HYDIN: variants seen among roughly 807,000 people sequenced by gnomAD.
The protein encoded by HYDIN is HYDIN axonemal central pair apparatus protein.
Under a neutral mutation model 403.9 loss-of-function variants are expected in HYDIN, and 132 were observed. The observed-to-expected ratio is 0.33, with a 90% CI of 0.28 to 0.38. The LOEUF (loss-of-function observed/expected upper bound fraction) is 0.38. Among genes scored for constraint, HYDIN ranks in the 10% least tolerant of loss-of-function variants. The pLI, the probability that HYDIN is intolerant of heterozygous loss-of-function variation, is 1.00. For synonymous variants in HYDIN, 1,202 were observed against 1,891.7 expected (o/e 0.64, Z 9.46); for missense variants, 2,827 against 5,009.5 (o/e 0.56, Z 13.15).
At chr16:70,922,852 C>A (rs1302401357) in intron 45 of HYDIN, among the ~76,000 whole-genome samples, 2 of 136,060 alleles carry the variant, frequency 1.5e-5, no homozygotes, top group South Asian at 4.8e-4. Flanking sequence ...ACTGTGGCCT[C>A]AATTTTCTGG....
intron 64 of HYDIN, among the ~76,000 whole-genome samples, chr16:70,872,500 A>G (rs2040188265): frequency 2.0e-5 from 3 of 146,652 alleles, no homozygotes; most frequent in South Asian, 2.2e-4. Context: ...TCATCCACCT[A>G]TCCATCACTC....
intron 53 of HYDIN, 109 bp from the exon 54 acceptor site, chr16:70,896,189 T>C: frequency 7.2e-7 from 1 of 1,383,308 alleles, no homozygotes; most frequent in African/African-American, 1.5e-5. Context: ...TTGAAGTGTA[T>C]TCCCCTGTAG....
At chr16:71,127,700 T>C (rs530023933) in intron 9 of HYDIN, among the ~76,000 whole-genome samples, 43 of 152,354 alleles carry the variant, frequency 2.8e-4, no homozygotes, top group Admixed American at 1.6e-3. Flanking sequence ...TCAGCCTGGA[T>C]GTCCAGTGCA....
chr16:71,216,450 T>C (rs905863455), intron 1 of HYDIN, among the ~76,000 whole-genome samples: 1 of 152,120 alleles, frequency 6.6e-6, no homozygotes, highest in Non-Finnish European at 1.5e-5. Context: ...GGCAAAACTA[T>C]ATTAGAACCC....
chr16:70,842,057 T>G (rs1272357232), intron 75 of HYDIN, among the ~76,000 whole-genome samples: 1 of 150,822 alleles, frequency 6.6e-6, no homozygotes, highest in Non-Finnish European at 1.5e-5. Context: ...GAACATACTT[T>G]GCACGATTTC....
Position 70,920,833 on chromosome 16 carries a change from G to T in HYDIN, c.7543C>A (p.Arg2515Ser). ...TTCTCCGTGCGCTCCTTCTCCAGGCGCTCTCTCTCCCGGTCCTTGCGGCCC... is the reference window on the plus strand; with the variant it reads ...TTCTCCGTGCGCTCCTTCTCCAGGCTCTCTCTCTCCCGGTCCTTGCGGCCC... ...RRGRKDRERE[R>S]LEKERTEKER... The change falls in exon 46 of 86, where the codon CGC (arginine) becomes AGC (serine). Residue 2515 changes from arginine to serine, a missense_variant. Coordinates refer to ENST00000393567, the MANE Select transcript of HYDIN (RefSeq NM_001270974.2). The T allele has an allele frequency of 6.3e-7, 1 of 1,576,930 alleles. No homozygotes were observed. Among genetic ancestry groups the T allele is most frequent in the Non-Finnish European group, 8.6e-7 (1 of 1,160,414 alleles).
chr16:70,808,013 C>T lies in HYDIN; in HGVS notation c.14933G>A (p.Gly4978Glu). ...HAEKLINAAPGGQGGTEASVE... is the reference protein window; with the variant it reads ...HAEKLINAAPEGQGGTEASVE... ...ACTGGCTTCAGTGCCTCCCTGGCCT[C>T]CTGGGGCTGCATTAATGAGTTTTTC... Residue 4978 changes from glycine to glutamate, a missense_variant, in exon 86 of 86, where the codon GGA becomes GAA. Gly to Glu is a moderately conservative substitution (Grantham distance 98, BLOSUM62 -2). Transcript: ENST00000393567. The T allele has an allele frequency of 6.2e-7, 1 of 1,613,894 alleles. No individual in the cohort carries two copies. The highest frequency in any genetic ancestry group is 8.5e-7 in the Non-Finnish European group (1 of 1,179,900).
chr16:70,905,223 A>G (rs1038700776), intron 50 of HYDIN, among the ~76,000 whole-genome samples: 5 of 152,022 alleles, frequency 3.3e-5, no homozygotes, highest in Non-Finnish European at 7.4e-5. Context: ...CTTCTCACTT[A>G]ACCGCTAATC....
intron 1 of HYDIN, among the ~76,000 whole-genome samples, chr16:71,190,361 C>G (rs537187828): frequency 6.9e-6 from 1 of 144,116 alleles, no homozygotes; most frequent in Non-Finnish European, 1.5e-5. Flanking sequence ...AAAAAAAAGT[C>G]GGCAATAGAT....
chr16:70,852,645 CATG>C (rs2038731495), intron 73 of HYDIN: 1 of 150,042 alleles, frequency 6.7e-6, no homozygotes, highest in Non-Finnish European at 1.5e-5. Context: ...TGGAAAGAGA[CATG>C]AAGAGACATT....
chr16:71,097,782 T>C, intron 10 of HYDIN, among the ~76,000 whole-genome samples: 1 of 149,856 alleles, frequency 6.7e-6, no homozygotes, highest in Non-Finnish European at 1.5e-5. Context: ...ATTTGCTCTG[T>C]ATGGACATTT....
intron 75 of HYDIN, among the ~76,000 whole-genome samples, chr16:70,848,946 C>G (rs1310556247): frequency 1.3e-5 from 2 of 149,354 alleles, no homozygotes; most frequent in African/African-American, 5.0e-5. Context: ...TCAATGCTCC[C>G]TCAGTCAGCT....
intron 45 of HYDIN, among the ~76,000 whole-genome samples, chr16:70,932,970 G>T (rs1269908526): frequency 6.6e-6 from 1 of 151,780 alleles, no homozygotes; most frequent in Non-Finnish European, 1.5e-5. Context: ...AGACACTTTT[G>T]GTCTCTCCAC....
At chr16:70,954,684 C>G (rs1325711318) in intron 40 of HYDIN, among the ~76,000 whole-genome samples, 2 of 152,188 alleles carry the variant, frequency 1.3e-5, no homozygotes, top group African/African-American at 4.8e-5. Context: ...TTGGCCGGCC[C>G]AGGCCCATTT....
At chr16:71,177,961 C>G (rs2086737850) in intron 4 of HYDIN, among the ~76,000 whole-genome samples, 1 of 152,072 alleles carries the variant, frequency 6.6e-6, no homozygotes, top group Admixed American at 6.5e-5. Flanking sequence ...AAGACATAGA[C>G]AGTGAGAGAA....
chr16:71,112,569 T>A (rs996501265), intron 10 of HYDIN, among the ~76,000 whole-genome samples: 9 of 152,104 alleles, frequency 5.9e-5, no homozygotes, highest in Non-Finnish European at 1.3e-4. Context: ...TAGTTGTGAG[T>A]AACTGATAAA....
chr16:71,002,349 C>T (rs989536789), intron 23 of HYDIN, among the ~76,000 whole-genome samples: 3 of 152,056 alleles, frequency 2.0e-5, no homozygotes, highest in African/African-American at 7.2e-5. Context: ...AGTTTGAGAC[C>T]AGCCTTGGCA....
At chr16:70,828,489 G>A in intron 81 of HYDIN, 60 bp from the exon 82 acceptor site, 1 of 1,267,626 alleles carries the variant, frequency 7.9e-7, no homozygotes, top group Non-Finnish European at 1.1e-6. Flanking sequence ...GGTACTTATT[G>A]GACATGTAGA....
At chr16:71,065,972 A>G (rs2082250641) in intron 15 of HYDIN, among the ~76,000 whole-genome samples, 1 of 152,194 alleles carries the variant, frequency 6.6e-6, no homozygotes, top group Non-Finnish European at 1.5e-5. Flanking sequence ...GTTCATTTCT[A>G]GCTGGAATGG....
Sources: gnomAD v4.1 joint callset for allele counts (sites outside exome capture counted in the v4.1 genomes callset) on GRCh38, gnomAD v4.1.1 for gene constraint, MANE v1.5 for transcripts, NCBI Gene and HGNC (gene_info 2026-07-23, HGNC 2026-07-21) for gene names.